The following THAP2 variants were observed in gnomAD, a reference collection of about 807,000 sequenced individuals.
The protein encoded by THAP2 is THAP domain-containing protein 2.
THAP2 carries 16 observed loss-of-function variants against 18.8 expected under a neutral mutation model. The observed-to-expected ratio is 0.85, with a 90% CI of 0.58 to 1.29. The LOEUF is 1.29. THAP2 is among the 50% of genes most tolerant of loss of function. The pLI is 0.00. For missense variants in THAP2, 251 were observed against 265.3 expected (o/e 0.95, Z 0.38); for synonymous variants, 80 against 89.2 (o/e 0.90, Z 0.58).
chr12:71,669,103 A>G (rs1488681850), intron 1 of THAP2, among the ~76,000 whole-genome samples: 1 of 152,238 alleles, frequency 6.6e-6, no homozygotes, highest in African/African-American at 2.4e-5. Flanking sequence ...ATTGATTCAG[A>G]AAAGTTCATT....
chr12:71,667,085 CTCTA>C (rs1881356225), intron 1 of THAP2, among the ~76,000 whole-genome samples: 1 of 152,160 alleles, frequency 6.6e-6, no homozygotes, highest in Non-Finnish European at 1.5e-5. Context: ...AACTTACTGT[CTCTA>C]TCTTTCTTAC....
intron 1 of THAP2, chr12:71,665,607 T>A (rs1881323090): frequency 6.6e-6 from 1 of 152,230 alleles, no homozygotes; most frequent in African/African-American, 2.4e-5. Flanking sequence ...ACATAAATAA[T>A]TAAGTGCCAC....
chr12:71,668,232 A>G (rs528703850), intron 1 of THAP2, among the ~76,000 whole-genome samples: 1 of 152,140 alleles, frequency 6.6e-6, no homozygotes. Context: ...GCTGATTCCT[A>G]TAATTTTTAA....
In THAP2 at chr12:71,677,162, A is replaced by T; in HGVS notation, c.*54A>T. ...TCCTTCATTCTTTTCAGAAGTAAAG[A>T]TAATTATGGCACTTATGCCAAAATT... On this transcript the variant is annotated 3_prime_UTR_variant, in exon 3 of 3. Transcript: ENST00000308086. 7.0e-7 allele frequency: 1 copy of T among 1,418,536 alleles called. No individual in the cohort carries two copies. The allele number at this position is 1,418,536 out of a possible 1,614,324, so 87.9% of individuals were successfully genotyped here.
intron 2 of THAP2, among the ~76,000 whole-genome samples, chr12:71,675,087 CAG>C (rs1480355016): frequency 6.6e-6 from 1 of 151,462 alleles, no homozygotes; most frequent in Non-Finnish European, 1.5e-5. Flanking sequence ...AAGATCTGAC[CAG>C]AGAGGAAAAC....
chr12:71,664,536 C>T lies in THAP2; in HGVS notation c.27C>T (p.Gly9=). MPTNCAAA[G]CATTYNKHIN... The stretch of plus-strand genomic sequence containing the variant: ...TGCCGACCAATTGCGCTGCGGCGGG[C>T]TGTGCCACTACCTACAACAAGCACA... Residue 9 remains glycine, a synonymous_variant, in exon 1 of 3, where the codon GGC becomes GGT. Transcript: ENST00000308086. 6.2e-7 allele frequency: 1 copy of T among 1,614,186 alleles called. No individual in the cohort carries two copies. Among genetic ancestry groups the T allele is most frequent in the Non-Finnish European group, 8.5e-7 (1 of 1,180,028 alleles).
At chr12:71,665,355 G>A (rs1881316403) in intron 1 of THAP2, 2 of 168,198 alleles carry the variant, frequency 1.2e-5, no homozygotes, top group South Asian at 2.6e-4. Flanking sequence ...CAACGTATAT[G>A]TTAGTATGTA....
In THAP2 at chr12:71,677,796, A is replaced by G. The variant is rs1218548571; in HGVS notation, c.*688A>G. 2 of 152,148 alleles carry G rather than the reference A, an allele frequency of 1.3e-5. No individual in the cohort carries two copies. The highest frequency in any genetic ancestry group is 1.3e-4 in the Admixed American group (2 of 15,270). 9.4% of individuals were successfully genotyped at this position (152,148 alleles called of 1,614,324 possible). A position where few individuals can be genotyped will look rare whatever the true frequency, so the allele number is the denominator to read the frequency against. On this transcript the variant is annotated 3_prime_UTR_variant, in exon 3 of 3. Coordinates refer to ENST00000308086, the MANE Select transcript of THAP2 (RefSeq NM_031435.4). ...TCTAGTAGCTGATAATATTCACCTAAGTAAGTGTTGTAAAATAATTCAGAG... is the reference window on the plus strand; with the variant it reads ...TCTAGTAGCTGATAATATTCACCTAGGTAAGTGTTGTAAAATAATTCAGAG...
intron 1 of THAP2, among the ~76,000 whole-genome samples, chr12:71,671,371 C>T (rs893216776): frequency 7.2e-5 from 11 of 152,208 alleles, no homozygotes; most frequent in Admixed American, 2.0e-4. Context: ...ACTTCTTCCT[C>T]ATCATCTGGC....
At chr12:71,675,790 T>C (rs1266877454) in intron 2 of THAP2, among the ~76,000 whole-genome samples, 1 of 152,136 alleles carries the variant, frequency 6.6e-6, no homozygotes, top group Non-Finnish European at 1.5e-5. Flanking sequence ...AAGATTTATT[T>C]TTCCTTTAGA....
At chr12:71,667,535 C>T (rs991137453) in intron 1 of THAP2, 1 of 152,140 alleles carries the variant, frequency 6.6e-6, no homozygotes, top group Non-Finnish European at 1.5e-5. Flanking sequence ...ACTTCCTGTA[C>T]TCTGCTTCTC....
rs1404137163 is a variant in THAP2 at position 71,679,102 on chromosome 12, C to CA, written c.*1998dup. On this transcript the variant is annotated 3_prime_UTR_variant, in exon 3 of 3. Coordinates refer to ENST00000308086, the MANE Select transcript of THAP2 (RefSeq NM_031435.4). The stretch of plus-strand genomic sequence containing the variant: ...TGTGGTTCACCCTTCACCCCAGATA[C>CA]AAAACACTTATTTGTGTAGCCCAGT... The CA allele has an allele frequency of 6.6e-6, 1 of 152,062 alleles. No homozygotes were observed. Among genetic ancestry groups the CA allele is most frequent in the African/African-American group, 2.4e-5 (1 of 41,428 alleles). The allele number at this position is 152,062 out of a possible 1,614,324, so 9.4% of individuals were successfully genotyped here.
chr12:71,670,223 A>T (rs553778867), intron 1 of THAP2, among the ~76,000 whole-genome samples: 1 of 152,318 alleles, frequency 6.6e-6, no homozygotes, highest in East Asian at 1.9e-4. Context: ...TCTGAACCAC[A>T]TGATCTTCTA....
chr12:71,667,173 C>T (rs968344326), intron 1 of THAP2, among the ~76,000 whole-genome samples: 27 of 152,222 alleles, frequency 1.8e-4, no homozygotes, highest in African/African-American at 5.8e-4. Flanking sequence ...ACCTTAATGT[C>T]TCTCTACATT....
chr12:71,679,248 G>A lies in THAP2; in HGVS notation c.*2140G>A, dbSNP rs966921797. Reference sequence around the variant, plus strand: ...CATCTTCATTCATTATTACCTGACAGTATTAAACTACTACTCAATAATTTT... The same window carrying A: ...CATCTTCATTCATTATTACCTGACAATATTAAACTACTACTCAATAATTTT... On this transcript the variant is annotated 3_prime_UTR_variant, in exon 3 of 3. Transcript: ENST00000308086. The A allele has an allele frequency of 6.6e-6, 1 of 152,086 alleles. No individual in the cohort carries two copies. Among genetic ancestry groups the A allele is most frequent in the African/African-American group, 2.4e-5 (1 of 41,430 alleles). The allele number at this position is 152,086 out of a possible 1,614,324, so 9.4% of individuals were successfully genotyped here. A position where few individuals can be genotyped will look rare whatever the true frequency, so the allele number is the denominator to read the frequency against.
intron 1 of THAP2, chr12:71,665,363 G>A: frequency 6.1e-6 from 1 of 163,348 alleles, no homozygotes; most frequent in South Asian, 1.5e-4. Flanking sequence ...ATGTTAGTAT[G>A]TAGAAATTAT....
At chr12:71,666,135 C>T (rs977613843) in intron 1 of THAP2, among the ~76,000 whole-genome samples, 2 of 152,062 alleles carry the variant, frequency 1.3e-5, no homozygotes, top group African/African-American at 4.8e-5. Context: ...GAGGAGGGGA[C>T]AGATTGGAGA....
In THAP2 at chr12:71,678,448, A is replaced by G. The variant is rs770570472; in HGVS notation, c.*1340A>G. On this transcript the variant is annotated 3_prime_UTR_variant, in exon 3 of 3. Transcript: ENST00000308086. The stretch of plus-strand genomic sequence containing the variant: ...GAACTATTCTTATCATTGCCACTTG[A>G]ACAATTAAAGGGTTTGCTTTATTTC... 3.3e-5 allele frequency: 5 copies of G among 152,760 alleles called. No individual in the cohort carries two copies. The highest frequency in any genetic ancestry group is 2.1e-4 in the South Asian group (1 of 4,830). 9.5% of individuals were successfully genotyped at this position (152,760 alleles called of 1,614,324 possible). A position where few individuals can be genotyped will look rare whatever the true frequency, so the allele number is the denominator to read the frequency against.
At chr12:71,670,133 C>G (rs1275894638) in intron 1 of THAP2, among the ~76,000 whole-genome samples, 1 of 151,894 alleles carries the variant, frequency 6.6e-6, no homozygotes, top group African/African-American at 2.4e-5. Context: ...TCTTTGTGCC[C>G]CTCATTGCTG....
Sources: gnomAD v4.1 joint callset for allele counts (sites outside exome capture counted in the v4.1 genomes callset) on GRCh38, gnomAD v4.1.1 for gene constraint, MANE v1.5 for transcripts, NCBI Gene and HGNC (gene_info 2026-07-23, HGNC 2026-07-21) for gene names.